The following KCNQ5 variants were observed in gnomAD, a reference collection of about 807,000 sequenced individuals.
KCNQ5 encodes the protein potassium voltage-gated channel subfamily Q member 5, also known as potassium voltage-gated channel subfamily KQT member 5.
Under a neutral mutation model 98.2 loss-of-function variants are expected in KCNQ5, and 30 were observed. The observed-to-expected ratio is 0.31, with a 90% CI of 0.23 to 0.41. The LOEUF (loss-of-function observed/expected upper bound fraction) is 0.41, where lower values mean the gene tolerates loss of function less well. Among genes scored for constraint, KCNQ5 ranks in the 10% least tolerant of loss-of-function variants. The pLI, the probability that KCNQ5 is intolerant of heterozygous loss-of-function variation, is 1.00. For synonymous variants in KCNQ5, 458 were observed against 449.4 expected (o/e 1.02, Z -0.24); for missense variants, 835 against 1,182.5 (o/e 0.71, Z 4.31).
At chr6:72,764,249 A>C (rs1772443998) in intron 1 of KCNQ5, among the ~76,000 whole-genome samples, 1 of 151,992 alleles carries the variant, frequency 6.6e-6, no homozygotes, top group African/African-American at 2.4e-5. Flanking sequence ...CAAAAACAAA[A>C]ATAAAAACCA....
chr6:72,835,513 A>G (rs1366664595), intron 1 of KCNQ5, among the ~76,000 whole-genome samples: 1 of 152,174 alleles, frequency 6.6e-6, no homozygotes, highest in African/African-American at 2.4e-5. Context: ...TTTTTCATCA[A>G]TGAAATTTCA....
chr6:73,068,200 G>A (rs1440514447), intron 3 of KCNQ5, among the ~76,000 whole-genome samples: 1 of 152,220 alleles, frequency 6.6e-6, no homozygotes, highest in Non-Finnish European at 1.5e-5. Context: ...GGAGGCTGAG[G>A]CAGGAGAGAC....
At chr6:72,747,955 T>C (rs1010066156) in intron 1 of KCNQ5, among the ~76,000 whole-genome samples, 1 of 152,172 alleles carries the variant, frequency 6.6e-6, no homozygotes, top group African/African-American at 2.4e-5. Flanking sequence ...TCAGTGGGAC[T>C]TTCATTTCAC....
At chr6:72,825,388 AAAGT>A (rs1198630000) in intron 1 of KCNQ5, among the ~76,000 whole-genome samples, 2 of 152,236 alleles carry the variant, frequency 1.3e-5, no homozygotes, top group East Asian at 3.9e-4. Flanking sequence ...AAGATCCTTG[AAAGT>A]AAGTATTTTT....
intron 1 of KCNQ5, among the ~76,000 whole-genome samples, chr6:72,665,965 C>T (rs1766789443): frequency 6.6e-6 from 1 of 152,212 alleles, no homozygotes; most frequent in Non-Finnish European, 1.5e-5. Context: ...ACCCACCTTA[C>T]TCACTACTCT....
At chr6:73,131,599 A>T (rs201985412) in intron 9 of KCNQ5, among the ~76,000 whole-genome samples, 2 of 1,558 alleles carry the variant, frequency 1.3e-3, no homozygotes, top group African/African-American at 1.5e-3. Context: ...TTTACAATTT[A>T]AAAAAAAAAA....
At chr6:72,663,586 G>A (rs1766636758) in intron 1 of KCNQ5, among the ~76,000 whole-genome samples, 1 of 152,106 alleles carries the variant, frequency 6.6e-6, no homozygotes, top group African/African-American at 2.4e-5. Flanking sequence ...GCTGTAAGTC[G>A]AGAATAAATC....
chr6:72,914,009 GT>G (rs1383618960), intron 1 of KCNQ5, among the ~76,000 whole-genome samples: 1 of 152,184 alleles, frequency 6.6e-6, no homozygotes, highest in Non-Finnish European at 1.5e-5. Context: ...TTTCCTCCAG[GT>G]GTAGGGAGGG....
Position 73,077,884 on chromosome 6 carries a change from C to A in KCNQ5, c.915C>A (p.Gly305=). Residue 305 remains glycine (G), a synonymous_variant, in exon 5 of 14, where the codon GGC becomes GGA. Transcript: ENST00000370398. ...CATATGCAGATGCTCTCTGGTGGGG[C>A]ACAGTAAGTATAAAAATACATTTTT... ...FSTYADALWW[G]TITLTTIGYG... 1 of 1,590,024 alleles carries A rather than the reference C, an allele frequency of 6.3e-7. No individual in the cohort carries two copies. Among genetic ancestry groups the A allele is most frequent in the Non-Finnish European group, 8.5e-7 (1 of 1,171,208 alleles).
intron 1 of KCNQ5, among the ~76,000 whole-genome samples, chr6:72,771,656 G>C (rs979815212): frequency 6.7e-6 from 1 of 148,446 alleles, no homozygotes; most frequent in African/African-American, 2.5e-5. Flanking sequence ...ATTTCACTGT[G>C]TGTGTGTGTG....
At chr6:73,091,345 A>G (rs1341295221) in intron 5 of KCNQ5, among the ~76,000 whole-genome samples, 1 of 152,116 alleles carries the variant, frequency 6.6e-6, no homozygotes, top group Non-Finnish European at 1.5e-5. Flanking sequence ...TGGGGGAGGG[A>G]TAGCATTAGG....
rs772866166 is a variant in KCNQ5 at position 73,133,571 on chromosome 6, C to T, written c.1398C>T (p.Ser466=). The T allele has an allele frequency of 9.3e-6, 15 of 1,614,128 alleles. No individual in the cohort carries two copies. The highest frequency in any genetic ancestry group is 1.3e-5 in the Non-Finnish European group (15 of 1,180,052). ...CCACCAAAGTGCAGAAGAGCTGGAGCTTCAACGACCGAACCCGCTTCCGGC... is the reference window on the plus strand; with the variant it reads ...CCACCAAAGTGCAGAAGAGCTGGAGTTTCAACGACCGAACCCGCTTCCGGC... The part of the protein sequence containing the change: ...GSPTKVQKSW[S]FNDRTRFRPS... Residue 466 remains serine (S), a synonymous_variant, in exon 10 of 14, where the codon AGC becomes AGT. Transcript: ENST00000370398.
intron 1 of KCNQ5, among the ~76,000 whole-genome samples, chr6:72,663,466 C>A (rs995652680): frequency 2.6e-4 from 39 of 152,070 alleles, no homozygotes; most frequent in African/African-American, 9.2e-4. Flanking sequence ...TAGGTATCAA[C>A]CTGGTTACCT....
chr6:72,982,104 T>A (rs1041081544), intron 1 of KCNQ5, among the ~76,000 whole-genome samples: 8 of 152,226 alleles, frequency 5.3e-5, no homozygotes, highest in Non-Finnish European at 7.3e-5. Context: ...ATAAGTGTGA[T>A]GTGGTGCTGA....
chr6:72,672,792 CA>C, intron 1 of KCNQ5, among the ~76,000 whole-genome samples: 1 of 152,250 alleles, frequency 6.6e-6, no homozygotes, highest in African/African-American at 2.4e-5. Context: ...TAATATTTAT[CA>C]CTTTCATTTC....
intron 11 of KCNQ5, 132 bp downstream of exon 11, chr6:73,169,986 C>A: frequency 1.5e-6 from 1 of 645,950 alleles, no homozygotes; most frequent in Non-Finnish European, 2.8e-6. Flanking sequence ...CATCCATATG[C>A]CTATTGAATT....
At position 72,979,931 on chromosome 6, in the gene KCNQ5, G is replaced by A. The variant is rs138042819; in HGVS notation, c.399-23977G>A. 2.2e-3 allele frequency among the ~76,000 whole-genome samples: 332 copies of A among 152,238 alleles called. 1 individual carries two copies. Among genetic ancestry groups the A allele is most frequent in the African/African-American group, 7.4e-3 (306 of 41,554 alleles). On this transcript the variant is annotated intron_variant, in intron 1 of 13. Coordinates refer to ENST00000370398, the MANE Select transcript of KCNQ5 (RefSeq NM_019842.4). ...TTCCCAGCACCATTTATTAAATAGG[G>A]AATTCTTTCCCCATTTCTTGTTTTT...
intron 1 of KCNQ5, among the ~76,000 whole-genome samples, chr6:72,976,713 C>G (rs1768174613): frequency 6.6e-6 from 1 of 152,170 alleles, no homozygotes; most frequent in South Asian, 2.1e-4. Flanking sequence ...AAGTGAGGCT[C>G]ATTCCCATGT....
At chr6:73,191,199 T>C (rs888820841) in intron 12 of KCNQ5, among the ~76,000 whole-genome samples, 1 of 152,162 alleles carries the variant, frequency 6.6e-6, no homozygotes, top group Non-Finnish European at 1.5e-5. Context: ...CTCTGACCTT[T>C]ATACAGTAGC....
Sources: gnomAD v4.1 joint callset for allele counts (sites outside exome capture counted in the v4.1 genomes callset) on GRCh38, gnomAD v4.1.1 for gene constraint, MANE v1.5 for transcripts, NCBI Gene and HGNC (gene_info 2026-07-23, HGNC 2026-07-21) for gene names.